Variants in TBC1D1 observed in about 807,000 individuals in gnomAD.
TBC1D1 encodes the protein TBC1 domain family member 1.
TBC1D1 carries 89 observed loss-of-function variants against 125.6 expected under a neutral mutation model. That is an observed-to-expected ratio of 0.71 (90% CI 0.60 to 0.85). The LOEUF (loss-of-function observed/expected upper bound fraction) is 0.85. Ranked by LOEUF, TBC1D1 falls within the 40% of genes least tolerant of loss-of-function variation. The pLI, the probability that TBC1D1 is intolerant of heterozygous loss-of-function variation, is 0.00. For missense variants in TBC1D1, 1,377 were observed against 1,469.2 expected (o/e 0.94, Z 1.03); for synonymous variants, 565 against 564.1 (o/e 1.00, Z -0.02).
intron 19 of TBC1D1, among the ~76,000 whole-genome samples, chr4:38,135,736 T>C (rs891628947): frequency 6.6e-6 from 1 of 152,182 alleles, no homozygotes; most frequent in African/African-American, 2.4e-5. Flanking sequence ...CTTTTTCATA[T>C]TTTGGGTGTT....
intron 9 of TBC1D1, 30 bp from the exon 10 acceptor site, chr4:38,045,787 T>G: frequency 6.3e-7 from 1 of 1,591,764 alleles, no homozygotes; most frequent in Non-Finnish European, 8.6e-7. Flanking sequence ...GCCTCCAGAG[T>G]CATAACTCGA....
chr4:37,996,145 C>A (rs1333598549), intron 2 of TBC1D1: 4 of 451,292 alleles, frequency 8.9e-6, no homozygotes, highest in South Asian at 1.6e-5. Context: ...AAGCTCTTGC[C>A]TGAAGACATG....
At position 38,014,715 on chromosome 4, in the gene TBC1D1, G is replaced by T; in HGVS notation, c.624G>T (p.Gly208=). 2 of 1,612,500 alleles carry T rather than the reference G, an allele frequency of 1.2e-6. No individual in the cohort carries two copies. The highest frequency in any genetic ancestry group is 1.1e-5 in the South Asian group (1 of 91,074). ...TCAATCACGTCAGCGGCAGCCGGGG[G>T]TCCGAGAGCCCCCGCCCCAACCCGC... The change falls in exon 3 of 20, where the codon GGG becomes GGT. Residue 208 remains glycine (G), a synonymous_variant. Coordinates refer to ENST00000261439, the MANE Select transcript of TBC1D1 (RefSeq NM_015173.4). This position sits in a 1 kb window ranked among gnomAD's most constrained non-coding sequence, Gnocchi z 5.1.
chr4:37,934,342 A>G lies in TBC1D1; in HGVS notation c.417+31830A>G, dbSNP rs559498161. 2.1e-4 allele frequency among the ~76,000 whole-genome samples: 32 copies of G among 152,296 alleles called. No homozygotes were observed. The East Asian group carries it at 5.8e-3, about 28-fold the overall frequency. ...AGAGGCTGTACCCAGGCACGTGGAC[A>G]TCAGGCTCCCCAGACAACCCAGGCA... On this transcript the variant is annotated intron_variant, in intron 2 of 19. Transcript: ENST00000261439.
At position 37,936,690 on chromosome 4, in the gene TBC1D1, T is replaced by A. The variant is rs78514911; in HGVS notation, c.417+34178T>A. 8.0e-3 allele frequency among the ~76,000 whole-genome samples: 1,211 copies of A among 152,218 alleles called. 20 individuals carry two copies. Among genetic ancestry groups the A allele is most frequent in the African/African-American group, 0.027 (1,133 of 41,516 alleles). ...CTGGAGGATAATATAAGTTGCAAAG[T>A]ACAACAGACTTCTGGAGAAAGATAA... On this transcript the variant is annotated intron_variant, in intron 2 of 19. Coordinates refer to ENST00000261439, the MANE Select transcript of TBC1D1 (RefSeq NM_015173.4).
intron 2 of TBC1D1, among the ~76,000 whole-genome samples, chr4:37,957,401 C>G (rs982628007): frequency 6.6e-6 from 1 of 152,196 alleles, no homozygotes; most frequent in Non-Finnish European, 1.5e-5. Flanking sequence ...AGGAGGATAT[C>G]TTGAGCCCAG....
chr4:38,082,301 C>T (rs1270303626), intron 12 of TBC1D1, among the ~76,000 whole-genome samples: 2 of 152,164 alleles, frequency 1.3e-5, no homozygotes, highest in Non-Finnish European at 2.9e-5. Flanking sequence ...AGACACAGCC[C>T]TCAGGTGCTC....
intron 2 of TBC1D1, among the ~76,000 whole-genome samples, chr4:37,974,077 T>G (rs1187371398): frequency 6.6e-6 from 1 of 152,198 alleles, no homozygotes; most frequent in Non-Finnish European, 1.5e-5. Context: ...TTTGGGAAAG[T>G]GATGTGGTAA....
At chr4:37,940,619 C>A (rs988362351) in intron 2 of TBC1D1, among the ~76,000 whole-genome samples, 2 of 152,144 alleles carry the variant, frequency 1.3e-5, no homozygotes, top group Non-Finnish European at 2.9e-5. Context: ...AAAGGGAATG[C>A]TTCCAGTTTT....
chr4:38,052,356 G>C (rs527650057), intron 11 of TBC1D1, among the ~76,000 whole-genome samples: 1 of 149,580 alleles, frequency 6.7e-6, no homozygotes, highest in East Asian at 1.9e-4. Flanking sequence ...TTTTGAGACA[G>C]GGTCTCACTC....
intron 15 of TBC1D1, among the ~76,000 whole-genome samples, chr4:38,103,362 T>C (rs1693407037): frequency 6.6e-6 from 1 of 152,200 alleles, no homozygotes; most frequent in Admixed American, 6.5e-5. Flanking sequence ...ACTGGGGAGC[T>C]TGTTAACTTT....
intron 11 of TBC1D1, 145 bp from the exon 13 acceptor site, chr4:38,052,961 A>G (rs6823014): frequency 0.53 from 256,781 of 482,726 alleles, 70,746 homozygotes; most frequent in African/African-American, 0.75. Context: ...ATTAAATCTC[A>G]TTCGTGAACT....
intron 12 of TBC1D1, among the ~76,000 whole-genome samples, chr4:38,079,728 C>G (rs1338512526): frequency 7.1e-6 from 1 of 140,928 alleles, no homozygotes; most frequent in Non-Finnish European, 1.6e-5. Flanking sequence ...GACTCCATCT[C>G]AAAAAAAAAA....
chr4:38,088,903 A>G (rs1170123567), intron 12 of TBC1D1, among the ~76,000 whole-genome samples: 1 of 152,178 alleles, frequency 6.6e-6, no homozygotes, highest in Admixed American at 6.5e-5. Context: ...GCCTTTCATA[A>G]TATGTATCAA....
intron 12 of TBC1D1, among the ~76,000 whole-genome samples, chr4:38,055,209 C>G (rs1751481914): frequency 6.6e-6 from 1 of 152,152 alleles, no homozygotes; most frequent in African/African-American, 2.4e-5. Flanking sequence ...ACCTGATGGT[C>G]GCCTGACATT....
At chr4:37,940,002 G>A (rs1473266012) in intron 2 of TBC1D1, among the ~76,000 whole-genome samples, 1 of 152,168 alleles carries the variant, frequency 6.6e-6, no homozygotes, top group Non-Finnish European at 1.5e-5. Context: ...TCTTGGCAAT[G>A]CAGGCTCTTT....
chr4:37,955,864 T>C (rs1244902140), intron 2 of TBC1D1, among the ~76,000 whole-genome samples: 1 of 152,110 alleles, frequency 6.6e-6, no homozygotes, highest in Non-Finnish European at 1.5e-5. Context: ...GGGCTGGCCG[T>C]GGTGTCTCAC....
intron 2 of TBC1D1, among the ~76,000 whole-genome samples, chr4:37,921,405 A>G (rs898561783): frequency 1.4e-5 from 2 of 138,370 alleles, no homozygotes; most frequent in Non-Finnish European, 3.1e-5. Flanking sequence ...TACAAAATAC[A>G]TATATATAAT....
chr4:38,031,072 A>G (rs1392408982), intron 7 of TBC1D1, among the ~76,000 whole-genome samples: 1 of 152,230 alleles, frequency 6.6e-6, no homozygotes, highest in Non-Finnish European at 1.5e-5. Context: ...ATTTTCAAAC[A>G]TATCTAGCTG....
Sources: gnomAD v4.1 joint callset for allele counts (sites outside exome capture counted in the v4.1 genomes callset) on GRCh38, gnomAD v4.1.1 for gene constraint, Gnocchi (gnomAD v3.1) non-coding constraint, MANE v1.5 for transcripts, NCBI Gene and HGNC (gene_info 2026-07-23, HGNC 2026-07-21) for gene names.